SLC9A7: variants seen among roughly 807,000 people sequenced by gnomAD.
SLC9A7 encodes solute carrier family 9 member A7, also known as sodium/hydrogen exchanger 7.
In SLC9A7, 19 loss-of-function variants were observed where a neutral mutation model predicts 52.6. The observed-to-expected ratio is 0.36, with a 90% CI of 0.25 to 0.53. The LOEUF (loss-of-function observed/expected upper bound fraction) is 0.53. Among genes scored for constraint, SLC9A7 ranks in the 20% least tolerant of loss-of-function variants. The pLI, the probability that SLC9A7 is intolerant of heterozygous loss-of-function variation, is 0.91. For synonymous variants in SLC9A7, 226 were observed against 252.1 expected (o/e 0.90, Z 0.98); for missense variants, 455 against 597.9 (o/e 0.76, Z 2.49).
At chrX:46,658,503 A>T (rs1943748420) in intron 7 of SLC9A7, among the ~76,000 whole-genome samples, 2 of 110,588 alleles carry the variant, frequency 1.8e-5, no homozygotes, top group South Asian at 3.9e-4. Flanking sequence ...AAAAGAGAGA[A>T]GAATCAAATA....
chrX:46,644,148 T>C (rs1204493546), intron 11 of SLC9A7, among the ~76,000 whole-genome samples: 2 of 112,411 alleles, frequency 1.8e-5, no homozygotes, highest in East Asian at 5.5e-4. Context: ...TATTCATCTG[T>C]ATAAGACATT....
intron 13 of SLC9A7, among the ~76,000 whole-genome samples, chrX:46,633,391 G>A (rs1322649864): frequency 4.2e-5 from 3 of 71,702 alleles, no homozygotes; most frequent in African/African-American, 1.5e-4. Context: ...ACAGATCGGG[G>A]CCGTGAGACA....
chrX:46,708,521 C>T (rs1235093808), intron 1 of SLC9A7, among the ~76,000 whole-genome samples: 3 of 108,506 alleles, frequency 2.8e-5, no homozygotes, highest in Non-Finnish European at 5.7e-5. Context: ...CAGAGTGAGA[C>T]TCCGTCTCAA....
chrX:46,740,433 C>T (rs1210616062), intron 1 of SLC9A7, among the ~76,000 whole-genome samples: 1 of 111,291 alleles, frequency 9.0e-6, no homozygotes, highest in African/African-American at 3.3e-5. Flanking sequence ...CAAATTATCC[C>T]TCTTGGCAAA....
intron 7 of SLC9A7, among the ~76,000 whole-genome samples, chrX:46,657,597 A>C (rs1254452275): frequency 1.8e-4 from 19 of 108,171 alleles, no homozygotes; most frequent in African/African-American, 6.1e-4. Context: ...AACAGACTTT[A>C]AACCAACAAA....
At chrX:46,696,106 C>T (rs947245459) in intron 1 of SLC9A7, among the ~76,000 whole-genome samples, 1 of 110,314 alleles carries the variant, frequency 9.1e-6, no homozygotes, top group African/African-American at 3.3e-5. Flanking sequence ...CTGCCTCAGC[C>T]TCCTGAGTAG....
At chrX:46,638,669 T>C (rs961906444) in intron 12 of SLC9A7, among the ~76,000 whole-genome samples, 15 of 112,075 alleles carry the variant, frequency 1.3e-4, no homozygotes, top group African/African-American at 4.5e-4. Context: ...CAATATGAAA[T>C]AGGTCATCTG....
intron 15 of SLC9A7, among the ~76,000 whole-genome samples, chrX:46,616,905 C>T (rs936477581): frequency 9.0e-6 from 1 of 111,517 alleles, no homozygotes; most frequent in African/African-American, 3.3e-5. Context: ...TTATGGAATG[C>T]CCCCGAACGT....
Position 46,758,555 on chromosome X carries a change from A to T in SLC9A7, c.325+150T>A, listed in dbSNP as rs1178684721. The T allele has an allele frequency of 2.3e-4, 84 of 369,907 alleles. No individual in the cohort carries two copies. In the East Asian group the frequency reaches 3.7e-3, roughly 16 times the overall value. The allele number at this position is 369,907 out of a possible 1,213,427, so 30.5% of individuals were successfully genotyped here. ...GGTAGCAGAGAGCCAGAAAATGCAG[A>T]CAGTTGACCTTGGGAACCAACACCG... is the stretch of plus-strand genomic sequence containing the variant. On this transcript the variant is annotated intron_variant, in intron 1 of 16. Transcript: ENST00000616978.
At chrX:46,666,745 C>T (rs1354307886) in intron 5 of SLC9A7, among the ~76,000 whole-genome samples, 2 of 112,315 alleles carry the variant, frequency 1.8e-5, no homozygotes, top group Non-Finnish European at 3.8e-5. Context: ...AATGAAGTAA[C>T]ACTGATAGCT....
chrX:46,606,597 T>G lies in SLC9A7; in HGVS notation c.*355A>C. The G allele has an allele frequency of 4.5e-6, 4 of 890,225 alleles. No homozygotes were observed. Among genetic ancestry groups the G allele is most frequent in the Non-Finnish European group, 5.5e-6 (4 of 724,510 alleles). 73.4% of individuals were successfully genotyped at this position (890,225 alleles called of 1,213,427 possible). ...CTGCTGTGTACTGAGATGCAGCCTCTCATGGGAGGAATCCCCCCACCCAGC... is the reference window on the plus strand; with the variant it reads ...CTGCTGTGTACTGAGATGCAGCCTCGCATGGGAGGAATCCCCCCACCCAGC... On this transcript the variant is annotated 3_prime_UTR_variant, in exon 17 of 17. Transcript: ENST00000616978.
intron 1 of SLC9A7, among the ~76,000 whole-genome samples, chrX:46,714,205 A>G (rs190309405): frequency 6.7e-4 from 74 of 110,577 alleles, no homozygotes; most frequent in African/African-American, 2.3e-3. Context: ...ACCACTTTAC[A>G]GTTAAAAAAA....
chrX:46,753,602 A>G (rs144396935), intron 1 of SLC9A7, among the ~76,000 whole-genome samples: 4,675 of 111,945 alleles, frequency 0.042, 226 homozygotes, highest in African/African-American at 0.15. Context: ...CCACTGCAAC[A>G]AATATTGCTG....
Position 46,721,773 on chromosome X carries a change from T to C in SLC9A7, c.325+36932A>G, listed in dbSNP as rs769714762. Among the ~76,000 whole-genome samples the C allele has an allele frequency of 3.6e-5, 4 of 111,980 alleles. No homozygotes were observed. The East Asian group carries it at 1.1e-3, about 31-fold the overall frequency. ...AGGAAGACAAGCAAAGGCCTTGCCT[T>C]TCTCAACTTCAGTCTAGAGCAGGTA... is the stretch of plus-strand genomic sequence containing the variant. On this transcript the variant is annotated intron_variant, in intron 1 of 16. Coordinates refer to ENST00000616978, the MANE Select transcript of SLC9A7 (RefSeq NM_001257291.2).
chrX:46,613,059 TCTA>T (rs1378053675), intron 16 of SLC9A7, among the ~76,000 whole-genome samples: 1 of 109,557 alleles, frequency 9.1e-6, no homozygotes, highest in Non-Finnish European at 1.9e-5. Context: ...CCAGTGTTCT[TCTA>T]CTACACCACA....
At chrX:46,746,877 T>G (rs1290973851) in intron 1 of SLC9A7, among the ~76,000 whole-genome samples, 1 of 112,139 alleles carries the variant, frequency 8.9e-6, no homozygotes, top group Non-Finnish European at 1.9e-5. Context: ...ATAACCAAAA[T>G]ATGGAATCAA....
intron 5 of SLC9A7, among the ~76,000 whole-genome samples, chrX:46,665,557 C>CAA (rs754854403): frequency 0.018 from 370 of 20,403 alleles, 6 homozygotes; most frequent in African/African-American, 0.032. Flanking sequence ...GACTCCATCT[C>CAA]AAAAAAAAAA....
At chrX:46,714,647 G>A (rs1371973236) in intron 1 of SLC9A7, among the ~76,000 whole-genome samples, 1 of 112,049 alleles carries the variant, frequency 8.9e-6, no homozygotes, top group East Asian at 2.8e-4. Flanking sequence ...CTATGTCCCA[G>A]GCACTGTTCT....
At chrX:46,620,952 CAG>C in intron 15 of SLC9A7, 23 bp downstream of exon 15, 2 of 1,088,040 alleles carry the variant, frequency 1.8e-6, no homozygotes, top group Non-Finnish European at 1.3e-6. Flanking sequence ...TTCACCGACA[CAG>C]GGGATGCTAC....
Sources: gnomAD v4.1 joint callset for allele counts (sites outside exome capture counted in the v4.1 genomes callset) on GRCh38, gnomAD v4.1.1 for gene constraint, MANE v1.5 for transcripts, NCBI Gene and HGNC (gene_info 2026-07-23, HGNC 2026-07-21) for gene names.